KLHL15: variants seen among roughly 807,000 people sequenced by gnomAD.
The protein encoded by KLHL15 is kelch like family member 15, also known as kelch-like protein 15.
In KLHL15, 1 loss-of-function variant was observed where a neutral mutation model predicts 29.3. That is an observed-to-expected ratio of 0.03 (90% CI 0.01 to 0.16). The LOEUF (loss-of-function observed/expected upper bound fraction) is 0.16. KLHL15 is among the 10% of genes least tolerant of loss of function. The probability of loss-of-function intolerance (pLI) is 1.00; values close to 1 mark genes in which losing one functional copy is unlikely to be tolerated. For missense variants in KLHL15, 215 were observed against 478.5 expected (o/e 0.45, Z 5.14); for synonymous variants, 212 against 184.5 (o/e 1.15, Z -1.21).
At chrX:24,025,445 C>T in intron 1 of KLHL15, among the ~76,000 whole-genome samples, 1 of 105,155 alleles carries the variant, frequency 9.5e-6, no homozygotes, top group Non-Finnish European at 2.0e-5. Flanking sequence ...GGGGCCCGCC[C>T]AGGGAGGCGG....
intron 3 of KLHL15, among the ~76,000 whole-genome samples, chrX:24,004,074 T>C (rs1386072465): frequency 1.8e-5 from 2 of 111,566 alleles, no homozygotes; most frequent in Non-Finnish European, 3.8e-5. Flanking sequence ...CTAGAGGACA[T>C]GACTTGTGTC....
intron 2 of KLHL15, among the ~76,000 whole-genome samples, chrX:24,020,028 A>G (rs924239924): frequency 8.9e-6 from 1 of 112,434 alleles, no homozygotes; most frequent in Non-Finnish European, 1.9e-5. Context: ...AGAGGTTGAT[A>G]TAATATACTT....
chrX:24,015,058 GCCC>G (rs1419851325), intron 2 of KLHL15, among the ~76,000 whole-genome samples: 1 of 111,972 alleles, frequency 8.9e-6, no homozygotes, highest in Non-Finnish European at 1.9e-5. Flanking sequence ...TTCGATGTCT[GCCC>G]TTGGGTTCTG....
chrX:24,015,980 C>T (rs1929669750), intron 2 of KLHL15, among the ~76,000 whole-genome samples: 1 of 109,191 alleles, frequency 9.2e-6, no homozygotes, highest in Non-Finnish European at 1.9e-5. Context: ...GCCTGGGCAA[C>T]AAGAGTGAAA....
intron 2 of KLHL15, among the ~76,000 whole-genome samples, chrX:24,008,346 T>C (rs997827607): frequency 1.8e-5 from 2 of 111,781 alleles, no homozygotes; most frequent in Non-Finnish European, 3.8e-5. Context: ...GTTCAAGCGA[T>C]TCTTGTGCCT....
chrX:23,996,177 C>G (rs2147099131), intron 3 of KLHL15, among the ~76,000 whole-genome samples: 1 of 111,892 alleles, frequency 8.9e-6, no homozygotes, highest in Admixed American at 9.5e-5. Context: ...GGTGCCTGGC[C>G]CTATTAAAGA....
chrX:23,988,306 G>A lies in KLHL15; in HGVS notation c.1430C>T (p.Ala477Val). 8.3e-7 allele frequency: 1 copy of A among 1,210,841 alleles called. No homozygotes were observed. Among genetic ancestry groups the A allele is most frequent in the Non-Finnish European group, 1.1e-6 (1 of 895,246 alleles). The change falls in exon 4 of 4, where the codon GCG becomes GTG. Residue 477 changes from alanine (A) to valine (V), a missense_variant. Transcript: ENST00000328046. The stretch of plus-strand genomic sequence containing the variant: ...AGAAATCATCTTGTGAAAGCATCTC[G>A]CGTAATTCATCTTGCTCTTATTCTC... The part of the protein sequence containing the change: ...CWENKSKMNY[A>V]RCFHKMISYN...
intron 3 of KLHL15, among the ~76,000 whole-genome samples, chrX:24,004,589 G>A (rs946433348): frequency 6.4e-5 from 7 of 109,982 alleles, no homozygotes; most frequent in South Asian, 3.8e-4. Flanking sequence ...TCAGGAGTTC[G>A]AGACCAGCCT....
rs1280509105 is a variant in KLHL15, at chrX:23,985,703, G to T, written c.*2218C>A. On this transcript the variant is annotated 3_prime_UTR_variant, in exon 4 of 4. Transcript: ENST00000328046. ...CAGATGTCACCCTGACTAGGGTCAT[G>T]AAGTCATATCTAAGCAATTAAAGAG... 1 of 112,567 alleles carries T rather than the reference G, an allele frequency of 8.9e-6. No homozygotes were observed. The highest frequency in any genetic ancestry group is 1.9e-5 in the Non-Finnish European group (1 of 53,290). The allele number at this position is 112,567 out of a possible 1,213,427, so 9.3% of individuals were successfully genotyped here.
chrX:24,007,933 AAAC>A (rs201737677), intron 2 of KLHL15, among the ~76,000 whole-genome samples: 23 of 101,882 alleles, frequency 2.3e-4, no homozygotes, highest in East Asian at 1.7e-3. Flanking sequence ...ATGAAAAAAA[AAAC>A]AAGTGACTGC....
chrX:23,995,105 CAT>C (rs1220146360), intron 3 of KLHL15, among the ~76,000 whole-genome samples: 1 of 111,581 alleles, frequency 9.0e-6, no homozygotes, highest in Non-Finnish European at 1.9e-5. Flanking sequence ...TATGTATACA[CAT>C]ACACACACAC....
chrX:24,014,040 G>C (rs1287446512), intron 2 of KLHL15, among the ~76,000 whole-genome samples: 1 of 106,760 alleles, frequency 9.4e-6, no homozygotes. Flanking sequence ...GGCTGAGGCA[G>C]AAGGAGCACT....
chrX:24,002,376 C>T (rs953859049), intron 3 of KLHL15, among the ~76,000 whole-genome samples: 1 of 111,303 alleles, frequency 9.0e-6, no homozygotes, highest in Non-Finnish European at 1.9e-5. Flanking sequence ...ATGCCACAGA[C>T]ATTTGCATAA....
chrX:24,026,623 C>A (rs955915560), intron 1 of KLHL15, among the ~76,000 whole-genome samples: 2 of 99,717 alleles, frequency 2.0e-5, no homozygotes, highest in East Asian at 7.1e-4. Context: ...ATGAACTTTC[C>A]GTGAGAGGTG....
At chrX:24,002,143 G>GAATAAATAAATA (rs200125047) in intron 3 of KLHL15, among the ~76,000 whole-genome samples, 30 of 107,702 alleles carry the variant, frequency 2.8e-4, no homozygotes, top group African/African-American at 8.0e-4. Context: ...AAAAGAAAAT[G>GAATAAATAAATA]AATAAATAAA....
chrX:23,992,633 T>G (rs1929108250), intron 3 of KLHL15, among the ~76,000 whole-genome samples: 1 of 112,116 alleles, frequency 8.9e-6, no homozygotes, highest in Non-Finnish European at 1.9e-5. Flanking sequence ...TTAGGATCAA[T>G]TCCAAGATCA....
At chrX:24,009,460 T>G in intron 2 of KLHL15, among the ~76,000 whole-genome samples, 1 of 110,600 alleles carries the variant, frequency 9.0e-6, no homozygotes, top group Non-Finnish European at 1.9e-5. Flanking sequence ...ATTGCACCAC[T>G]GCACTCCAGC....
intron 3 of KLHL15, among the ~76,000 whole-genome samples, chrX:24,002,064 T>C (rs907879202): frequency 2.8e-5 from 3 of 108,910 alleles, no homozygotes; most frequent in South Asian, 3.9e-4. Context: ...ACCCGGCAGG[T>C]GGAGCTTGCA....
intron 3 of KLHL15, among the ~76,000 whole-genome samples, chrX:24,005,551 C>G (rs1434842911): frequency 9.0e-6 from 1 of 111,600 alleles, no homozygotes; most frequent in Non-Finnish European, 1.9e-5. Flanking sequence ...ATAAGAAACT[C>G]TATTAATGTA....
Sources: allele counts gnomAD v4.1 joint callset (sites outside exome capture counted in the v4.1 genomes callset), GRCh38; gene constraint gnomAD v4.1.1; transcripts MANE v1.5; gene names NCBI Gene and HGNC (gene_info 2026-07-23, HGNC 2026-07-21).